CCNJL: variants seen among roughly 807,000 people sequenced by gnomAD.
CCNJL encodes the protein cyclin-J-like protein.
A neutral mutation model predicts 33.4 loss-of-function variants in CCNJL; 33 were observed. The ratio of observed to expected loss-of-function variants is 0.99; its 90% confidence interval spans 0.75 to 1.32. The LOEUF is 1.32. Among genes scored for constraint, CCNJL ranks in the 40% most tolerant of loss-of-function variants. The pLI is 0.00. For synonymous variants in CCNJL, 227 were observed against 220.9 expected (o/e 1.03, Z -0.24); for missense variants, 512 against 499.7 (o/e 1.02, Z -0.23).
At chr5:160,275,012 T>A (rs1319434620) in intron 3 of CCNJL, among the ~76,000 whole-genome samples, 1 of 152,068 alleles carries the variant, frequency 6.6e-6, no homozygotes, top group Non-Finnish European at 1.5e-5. Flanking sequence ...AATCTATGAT[T>A]CATTTTCCCC....
intron 1 of CCNJL, among the ~76,000 whole-genome samples, chr5:160,337,353 CTT>C (rs1188366794): frequency 1.3e-5 from 2 of 152,070 alleles, no homozygotes; most frequent in African/African-American, 4.8e-5. Flanking sequence ...CTGTCTCCCT[CTT>C]TTGTCATTGC....
intron 2 of CCNJL, among the ~76,000 whole-genome samples, chr5:160,308,775 A>C (rs959592741): frequency 1.9e-4 from 29 of 151,998 alleles, no homozygotes; most frequent in African/African-American, 6.1e-4. Flanking sequence ...AACCAACCAA[A>C]CAAACAAAAA....
At chr5:160,265,278 C>T (rs1761527218) in intron 3 of CCNJL, among the ~76,000 whole-genome samples, 1 of 152,184 alleles carries the variant, frequency 6.6e-6, no homozygotes, top group Non-Finnish European at 1.5e-5. Flanking sequence ...AGAGATTAGG[C>T]CAAAGTTTCC....
intron 2 of CCNJL, among the ~76,000 whole-genome samples, chr5:160,300,831 C>T (rs1762898585): frequency 1.3e-5 from 2 of 152,086 alleles, no homozygotes; most frequent in Admixed American, 6.5e-5. Flanking sequence ...GGCTCCTGCT[C>T]CTTTTAAACA....
chr5:160,333,709 C>T (rs372199861), intron 1 of CCNJL, among the ~76,000 whole-genome samples: 433 of 152,096 alleles, frequency 2.8e-3, no homozygotes, highest in African/African-American at 9.1e-3. Context: ...GAGGACCAAG[C>T]GGAAGGTGGT....
chr5:160,299,280 G>C (rs1581001792), intron 2 of CCNJL, among the ~76,000 whole-genome samples: 1 of 152,096 alleles, frequency 6.6e-6, no homozygotes, highest in Non-Finnish European at 1.5e-5. Context: ...CTCCCGAGTA[G>C]GTGGGATTAC....
At chr5:160,326,634 GT>G in intron 1 of CCNJL, 1 of 675,890 alleles carries the variant, frequency 1.5e-6, no homozygotes. Context: ...GATAAAGTAG[GT>G]TCTTAGAGTT....
chr5:160,265,093 G>C (rs1273786194), intron 3 of CCNJL, among the ~76,000 whole-genome samples: 1 of 152,160 alleles, frequency 6.6e-6, no homozygotes, highest in Non-Finnish European at 1.5e-5. Context: ...TAGAAATTCA[G>C]CATTCTCTCA....
chr5:160,300,225 T>A (rs1561801909), intron 2 of CCNJL, among the ~76,000 whole-genome samples: 1 of 152,062 alleles, frequency 6.6e-6, no homozygotes, highest in Non-Finnish European at 1.5e-5. Flanking sequence ...AAATTCTGCC[T>A]CCGAAGGATC....
At position 160,306,531 on chromosome 5, in the gene CCNJL, G is replaced by T. The variant is rs183784202; in HGVS notation, c.66+5327C>A. ...CAGGAAGATAAAGTTACCAGCTCAT[G>T]TCAAGCAGAGCTTATCAACATGGCT... On this transcript the variant is annotated intron_variant, in intron 2 of 5. Coordinates refer to ENST00000257536, the MANE Select transcript of CCNJL (RefSeq NM_001308173.3). Among the ~76,000 whole-genome samples, 421 of 152,274 alleles carry T rather than the reference G, an allele frequency of 2.8e-3. 2 individuals are homozygous for T. The highest frequency in any genetic ancestry group is 9.8e-3 in the African/African-American group (407 of 41,548).
intron 3 of CCNJL, among the ~76,000 whole-genome samples, chr5:160,275,934 C>T (rs1387103784): frequency 1.3e-5 from 2 of 152,194 alleles, no homozygotes; most frequent in South Asian, 4.1e-4. Flanking sequence ...AACCCATAGG[C>T]ATATACCCAA....
intron 4 of CCNJL, among the ~76,000 whole-genome samples, 188 bp downstream of exon 4, chr5:160,259,281 T>C (rs1009539384): frequency 6.6e-6 from 1 of 152,240 alleles, no homozygotes; most frequent in African/African-American, 2.4e-5. Flanking sequence ...TATTTCTCTT[T>C]TACATGTTAC....
intron 2 of CCNJL, among the ~76,000 whole-genome samples, chr5:160,308,355 G>A (rs945564278): frequency 6.6e-5 from 10 of 152,198 alleles, no homozygotes; most frequent in East Asian, 1.9e-4. Context: ...CATACACATC[G>A]GGAAGCTGTG....
At chr5:160,256,329 A>T (rs1280488566) in intron 4 of CCNJL, among the ~76,000 whole-genome samples, 1 of 152,236 alleles carries the variant, frequency 6.6e-6, no homozygotes, top group Non-Finnish European at 1.5e-5. Context: ...TTATAAGAGA[A>T]TGACACACTA....
rs1760819298 is a variant in CCNJL, at chr5:160,251,878, T to C, written c.*1500A>G. 6.6e-6 allele frequency: 1 copy of C among 152,212 alleles called. No individual in the cohort carries two copies. Among genetic ancestry groups the C allele is most frequent in the Non-Finnish European group, 1.5e-5 (1 of 68,048 alleles). 9.4% of individuals were successfully genotyped at this position (152,212 alleles called of 1,614,324 possible). A position where few individuals can be genotyped will look rare whatever the true frequency, so the allele number is the denominator to read the frequency against. On this transcript the variant is annotated 3_prime_UTR_variant, in exon 6 of 6. Transcript: ENST00000257536. ...CTAGTGTGACACGGTGGCAGAGTCTTATCCACACCCCGTCTCTTTTCTTAC... is the reference window on the plus strand; with the variant it reads ...CTAGTGTGACACGGTGGCAGAGTCTCATCCACACCCCGTCTCTTTTCTTAC...
At chr5:160,331,682 C>A (rs547172320) in intron 1 of CCNJL, among the ~76,000 whole-genome samples, 1 of 152,226 alleles carries the variant, frequency 6.6e-6, no homozygotes, top group Non-Finnish European at 1.5e-5. Flanking sequence ...GGTCAACCTT[C>A]AACCCAGGTT....
At chr5:160,287,172 C>T (rs151037740) in intron 2 of CCNJL, among the ~76,000 whole-genome samples, 11 of 152,214 alleles carry the variant, frequency 7.2e-5, no homozygotes, top group Middle Eastern at 3.4e-3. Context: ...ATGGGGGTCA[C>T]GCTGCCGTAA....
rs1580935000 is a variant in CCNJL at position 160,251,982 on chromosome 5, TCCTGGCGGCC to T, written c.*1386_*1395del. ...CTGACTCAGCAGCAGACAGCTGCCT[TCCTGGCGGCC>T]CCTGCCACAGTCTCCAGGACTGGCA... On this transcript the variant is annotated 3_prime_UTR_variant, in exon 6 of 6. Transcript: ENST00000257536. 1 of 152,270 alleles carries T rather than the reference TCCTGGCGGCC, an allele frequency of 6.6e-6. No individual in the cohort carries two copies. Among genetic ancestry groups the T allele is most frequent in the African/African-American group, 2.4e-5 (1 of 41,444 alleles). 9.4% of individuals were successfully genotyped at this position (152,270 alleles called of 1,614,324 possible).
rs1760844873 is a variant in CCNJL at position 160,252,420 on chromosome 5, G to A, written c.*958C>T. The A allele has an allele frequency of 6.6e-6, 1 of 152,278 alleles. No homozygotes were observed. The highest frequency in any genetic ancestry group is 1.5e-5 in the Non-Finnish European group (1 of 68,058). The allele number at this position is 152,278 out of a possible 1,614,324, so 9.4% of individuals were successfully genotyped here. ...CTGTAAGTATGTGGTGGAGAGAGGT[G>A]GGAACTGTTTAAATCTTTGTCTTCC... On this transcript the variant is annotated 3_prime_UTR_variant, in exon 6 of 6. Coordinates refer to ENST00000257536, the MANE Select transcript of CCNJL (RefSeq NM_001308173.3).
Sources: allele counts gnomAD v4.1 joint callset (sites outside exome capture counted in the v4.1 genomes callset), GRCh38; gene constraint gnomAD v4.1.1; transcripts MANE v1.5; gene names NCBI Gene and HGNC (gene_info 2026-07-23, HGNC 2026-07-21).